Variants in GGPS1 observed in about 807,000 individuals in gnomAD.
GGPS1 encodes the protein geranylgeranyl diphosphate synthase 1.
Under a neutral mutation model 28.1 loss-of-function variants are expected in GGPS1, and 15 were observed. That is an observed-to-expected ratio of 0.53 (90% CI 0.36 to 0.82). GGPS1 has a LOEUF of 0.82. Ranked by LOEUF, GGPS1 falls within the 40% of genes least tolerant of loss-of-function variation. GGPS1 has a pLI of 0.01. For missense variants in GGPS1, 284 were observed against 348.3 expected (o/e 0.82, Z 1.47); for synonymous variants, 138 against 122.4 (o/e 1.13, Z -0.84).
chr1:235,332,531 G>A (rs1675748720), intron 1 of GGPS1, among the ~76,000 whole-genome samples: 1 of 152,100 alleles, frequency 6.6e-6, no homozygotes, highest in Admixed American at 6.6e-5. Context: ...TAAACACATA[G>A]TGCAAGATTT....
At chr1:235,328,213 C>G (rs115367910), upstream of GGPS1, 2,554 of 147,500 alleles carry the variant, frequency 0.017, 24 homozygotes, top group Middle Eastern at 0.049. Flanking sequence ...AGGTTCCCCC[C>G]CTTTCTCCCC....
rs749361864 is a variant in GGPS1, at chr1:235,342,452, T to C, written c.583T>C (p.Ser195Pro). ...TAGGGATGATTATGCTAATCTACAC[T>C]CCAAAGAATATAGTGAAAACAAAAG... is the stretch of plus-strand genomic sequence containing the variant. ...QIRDDYANLH[S>P]KEYSENKSFC... The change falls in exon 4 of 4, where the codon TCC becomes CCC. Residue 195 changes from serine to proline, a missense_variant. By Grantham distance (74) the Ser-to-Pro change is moderately conservative. Coordinates refer to ENST00000282841, the MANE Select transcript of GGPS1 (RefSeq NM_004837.4). 6.2e-7 allele frequency: 1 copy of C among 1,612,828 alleles called. No homozygotes were observed. The highest frequency in any genetic ancestry group is 8.5e-7 in the Non-Finnish European group (1 of 1,178,894).
intron 2 of GGPS1, among the ~76,000 whole-genome samples, chr1:235,337,391 T>G (rs929329050): frequency 2.0e-5 from 3 of 152,198 alleles, no homozygotes; most frequent in African/African-American, 7.2e-5. Flanking sequence ...ATAACATATT[T>G]AAAATTATCA....
In GGPS1 at chr1:235,333,707, A is replaced by G. The variant is rs547170190; in HGVS notation, c.-23-1535A>G. 1.3e-3 allele frequency among the ~76,000 whole-genome samples: 195 copies of G among 152,322 alleles called. 1 individual carries two copies. Among genetic ancestry groups the G allele is most frequent in the African/African-American group, 4.5e-3 (186 of 41,570 alleles). On this transcript the variant is annotated intron_variant, in intron 1 of 3. Coordinates refer to ENST00000282841, the MANE Select transcript of GGPS1 (RefSeq NM_004837.4). ...GTGCTTTATCTTCTGGCATACTGAG[A>G]TAACTTTCTAAAGTGGTTTCCAATT... is the stretch of plus-strand genomic sequence containing the variant.
chr1:235,339,097 C>CA (rs1251412151), intron 2 of GGPS1, among the ~76,000 whole-genome samples: 1 of 151,868 alleles, frequency 6.6e-6, no homozygotes, highest in African/African-American at 2.4e-5. Context: ...GTCAGGAATT[C>CA]AAGACCAGCC....
At chr1:235,334,898 C>A (rs140254218) in intron 1 of GGPS1, among the ~76,000 whole-genome samples, 1 of 152,106 alleles carries the variant, frequency 6.6e-6, no homozygotes, top group African/African-American at 2.4e-5. Context: ...CCACCATGCT[C>A]GGCTAATCTT....
At chr1:235,339,254 G>A (rs540467507) in intron 2 of GGPS1, among the ~76,000 whole-genome samples, 13 of 149,558 alleles carry the variant, frequency 8.7e-5, no homozygotes, top group Admixed American at 4.7e-4. Flanking sequence ...AGCCAAGATC[G>A]TGACACTGTA....
intron 2 of GGPS1, among the ~76,000 whole-genome samples, chr1:235,340,105 C>T (rs1675988135): frequency 6.6e-6 from 1 of 152,124 alleles, no homozygotes. Context: ...TGCAATCCAG[C>T]CTGGGCAACA....
chr1:235,327,830 C>A (rs1012290461), upstream of GGPS1: 3 of 152,610 alleles, frequency 2.0e-5, no homozygotes, highest in African/African-American at 4.8e-5. Context: ...TTCTCCCCCC[C>A]AAAACCAGCA....
Position 235,342,010 on chromosome 1 carries a change from G to C in GGPS1, c.142-1G>C. ...AGTGAAATTTTCAATTTTTTTATTA[G>C]ATTATTATTGAAGTGACAGAAATGT... On this transcript the variant is annotated splice_acceptor_variant, in intron 3 of 3. Coordinates refer to ENST00000282841, the MANE Select transcript of GGPS1 (RefSeq NM_004837.4). LOFTEE classifies it high-confidence loss of function. 6.5e-7 allele frequency: 1 copy of C among 1,528,612 alleles called. No homozygotes were observed. The highest frequency in any genetic ancestry group is 8.9e-7 in the Non-Finnish European group (1 of 1,125,538). The allele number at this position is 1,528,612 out of a possible 1,614,324, so 94.7% of individuals were successfully genotyped here. A position where few individuals can be genotyped will look rare whatever the true frequency, so the allele number is the denominator to read the frequency against.
intron 2 of GGPS1, among the ~76,000 whole-genome samples, chr1:235,336,285 G>A (rs1249783854): frequency 6.6e-6 from 1 of 152,170 alleles, no homozygotes; most frequent in Non-Finnish European, 1.5e-5. Context: ...CAGCTACTCG[G>A]GAGGCTGAGG....
At chr1:235,337,098 G>A (rs1174833741) in intron 2 of GGPS1, 4 of 164,078 alleles carry the variant, frequency 2.4e-5, no homozygotes, top group African/African-American at 7.2e-5. Flanking sequence ...GAGAAACATG[G>A]CACAGTTTCA....
intron 1 of GGPS1, among the ~76,000 whole-genome samples, chr1:235,334,732 C>T (rs1675815865): frequency 6.6e-6 from 1 of 152,104 alleles, no homozygotes; most frequent in African/African-American, 2.4e-5. Context: ...GGCTTCATAG[C>T]TGTAGAATCT....
chr1:235,339,771 AAAAG>A (rs1288341606), intron 2 of GGPS1, among the ~76,000 whole-genome samples: 2 of 151,980 alleles, frequency 1.3e-5, no homozygotes, highest in East Asian at 1.9e-4. Flanking sequence ...CAAAAAAAAA[AAAAG>A]AAAACAGTAT....
intron 3 of GGPS1, 69 bp from the exon 4 acceptor site, chr1:235,341,942 T>C (rs890001710): frequency 5.8e-6 from 6 of 1,030,748 alleles, no homozygotes; most frequent in Non-Finnish European, 7.1e-6. Context: ...GAGACTTTCA[T>C]AATCTGTTAA....
Position 235,342,580 on chromosome 1 carries a change from A to G in GGPS1, c.711A>G (p.Arg237=). 1 of 1,611,658 alleles carries G rather than the reference A, an allele frequency of 6.2e-7. No individual in the cohort carries two copies. The highest frequency in any genetic ancestry group is 8.5e-7 in the Non-Finnish European group (1 of 1,177,708). The change falls in exon 4 of 4, where the codon AGA becomes AGG. Residue 237 remains arginine (R), a synonymous_variant. Transcript: ENST00000282841. The part of the protein sequence containing the change: ...STQVQNILRQ[R]TENIDIKKYC... ...AGGTGCAGAATATCTTGCGCCAGAG[A>G]ACAGAAAACATAGATATAAAAAAAT...
chr1:235,332,826 A>G lies in GGPS1; in HGVS notation c.-23-2416A>G, dbSNP rs531603700. ...GTATCAGGTGACTGGGCTATAGAAG[A>G]TGACTTTTATTACTTAACATTATGA... is the stretch of plus-strand genomic sequence containing the variant. On this transcript the variant is annotated intron_variant, in intron 1 of 3. Coordinates refer to ENST00000282841, the MANE Select transcript of GGPS1 (RefSeq NM_004837.4). Among the ~76,000 whole-genome samples the G allele has an allele frequency of 3.3e-5, 5 of 152,272 alleles. No individual in the cohort carries two copies. The South Asian group carries it at 1.0e-3, about 32-fold the overall frequency.
At chr1:235,336,355 C>T (rs1358700194) in intron 2 of GGPS1, among the ~76,000 whole-genome samples, 2 of 151,914 alleles carry the variant, frequency 1.3e-5, no homozygotes, top group African/African-American at 2.4e-5. Flanking sequence ...TGCATCACTG[C>T]ACTCCAGCCT....
Position 235,342,903 on chromosome 1 carries a change from G to A in GGPS1, c.*131G>A. Reference sequence around the variant, plus strand: ...AAATAGGTGAGTAGGGGTGGTGCAAGTGAATTCGTTTTCATTTAGAAGCCC... The same window carrying A: ...AAATAGGTGAGTAGGGGTGGTGCAAATGAATTCGTTTTCATTTAGAAGCCC... On this transcript the variant is annotated 3_prime_UTR_variant, in exon 4 of 4. Transcript: ENST00000282841. The A allele has an allele frequency of 1.6e-6, 1 of 612,258 alleles. No individual in the cohort carries two copies. The highest frequency in any genetic ancestry group is 2.9e-6 in the Non-Finnish European group (1 of 347,794). The allele number at this position is 612,258 out of a possible 1,614,324, so 37.9% of individuals were successfully genotyped here. A position where few individuals can be genotyped will look rare whatever the true frequency, so the allele number is the denominator to read the frequency against.
Sources: gnomAD v4.1 joint callset for allele counts (sites outside exome capture counted in the v4.1 genomes callset) on GRCh38, gnomAD v4.1.1 for gene constraint, MANE v1.5 for transcripts, NCBI Gene and HGNC (gene_info 2026-07-23, HGNC 2026-07-21) for gene names.